PIGG: variants seen among roughly 807,000 people sequenced by gnomAD.
The protein encoded by PIGG is phosphatidylinositol glycan anchor biosynthesis class G (EMM blood group).
A neutral mutation model predicts 83.2 loss-of-function variants in PIGG; 70 were observed. The ratio of observed to expected loss-of-function variants is 0.84; its 90% CI spans 0.69 to 1.03. PIGG has a LOEUF of 1.03. PIGG is among the 50% of genes least tolerant of loss of function. The probability of loss-of-function intolerance (pLI) is 0.00; values close to 1 mark genes in which losing one functional copy is unlikely to be tolerated. For synonymous variants in PIGG, 532 were observed against 519.5 expected (o/e 1.02, Z -0.33); for missense variants, 1,257 against 1,233.6 (o/e 1.02, Z -0.28).
rs758742582 is a variant in PIGG at position 521,310 on chromosome 4, A to AT, written c.1332+39dup. 332 of 1,400,114 alleles carry AT rather than the reference A, an allele frequency of 2.4e-4. 1 individual carries two copies. The highest frequency in any genetic ancestry group is 2.0e-4 in the Non-Finnish European group (201 of 997,514). The allele number at this position is 1,400,114 out of a possible 1,614,324, so 86.7% of individuals were successfully genotyped here. ...CACACAGTCATGGCTCAGGTGTTGC[A>AT]TTGATTTGATAACTCAGCCAAATAT... On this transcript the variant is annotated intron_variant, in intron 7 of 12. Coordinates refer to ENST00000453061, the MANE Select transcript of PIGG (RefSeq NM_001127178.3).
chr4:522,320 A>G (rs906759551), intron 8 of PIGG: 3 of 471,106 alleles, frequency 6.4e-6, no homozygotes, highest in African/African-American at 3.9e-5. Flanking sequence ...AGGGAAGAAG[A>G]GACAATCGGC....
At chr4:534,076 C>A (rs962872262) in intron 12 of PIGG, 95 bp downstream of exon 12, 6 of 1,038,280 alleles carry the variant, frequency 5.8e-6, no homozygotes, top group Non-Finnish European at 7.2e-6. Context: ...GTCTAAGCTC[C>A]ATGGGTCCAA....
At chr4:501,932 G>A (rs1434745990) in intron 2 of PIGG, 1 of 152,186 alleles carries the variant, frequency 6.6e-6, no homozygotes, top group African/African-American at 2.4e-5. Flanking sequence ...GGAGGTGAGA[G>A]AGAATGAAGG....
At chr4:506,808 T>C (rs1408066065) in intron 3 of PIGG, 5 of 456,170 alleles carry the variant, frequency 1.1e-5, no homozygotes, top group Non-Finnish European at 2.2e-5. Context: ...AACAGCCTTC[T>C]TGTAGGACAC....
At chr4:535,448 G>GCGTCTC (rs1553901062) in intron 12 of PIGG, among the ~76,000 whole-genome samples, 2 of 152,110 alleles carry the variant, frequency 1.3e-5, no homozygotes, top group African/African-American at 4.8e-5. Context: ...CTCCTCCCGG[G>GCGTCTC]CAGGCGAGCG....
rs1723836998 is a variant in PIGG, at chr4:516,311, G to A, written c.1114+126G>A. 4.6e-6 allele frequency: 3 copies of A among 651,910 alleles called. No individual in the cohort carries two copies. In the South Asian group the frequency reaches 5.4e-5, roughly 12 times the overall value. 40.4% of individuals were successfully genotyped at this position (651,910 alleles called of 1,614,324 possible). A position where few individuals can be genotyped will look rare whatever the true frequency, so the allele number is the denominator to read the frequency against. On this transcript the variant is annotated intron_variant, in intron 6 of 12. Transcript: ENST00000453061. ...TATTTTTTCATCACTACTCTTTGAT[G>A]ATACAGATTGTGTTTCTGTTTTCTT...
intron 12 of PIGG, among the ~76,000 whole-genome samples, chr4:534,454 T>C (rs1729880952): frequency 6.6e-6 from 1 of 152,016 alleles, no homozygotes; most frequent in Non-Finnish European, 1.5e-5. Flanking sequence ...CCGTGGCTCT[T>C]CTGAGTCGTC....
At chr4:517,165 C>T (rs574659400) in intron 6 of PIGG, among the ~76,000 whole-genome samples, 2 of 152,250 alleles carry the variant, frequency 1.3e-5, no homozygotes, top group Non-Finnish European at 2.9e-5. Context: ...GCCAGAGTCT[C>T]CCACTTGCAT....
chr4:499,526 C>T (rs1007934346), intron 1 of PIGG, 37 bp downstream of exon 1: 8 of 1,561,184 alleles, frequency 5.1e-6, no homozygotes, highest in Non-Finnish European at 6.9e-6. Context: ...CTCCCCTGAC[C>T]CCACATCCCC....
chr4:523,220 G>A (rs1726537042), intron 8 of PIGG, among the ~76,000 whole-genome samples: 1 of 152,202 alleles, frequency 6.6e-6, no homozygotes, highest in Admixed American at 6.5e-5. Flanking sequence ...TGGCCGTGCA[G>A]TGTCCGGCTC....
chr4:509,185 GT>G (rs1553881747), intron 5 of PIGG, among the ~76,000 whole-genome samples: 1 of 152,164 alleles, frequency 6.6e-6, no homozygotes, highest in East Asian at 1.9e-4. Flanking sequence ...TCAGAATTTT[GT>G]TGTATGAATG....
chr4:504,242 T>C (rs563266159), intron 2 of PIGG, among the ~76,000 whole-genome samples: 3 of 152,348 alleles, frequency 2.0e-5, no homozygotes, highest in Admixed American at 2.0e-4. Context: ...TCTTCCTGAG[T>C]GCTGGCCCTG....
intron 6 of PIGG, among the ~76,000 whole-genome samples, chr4:516,474 C>T (rs996619368): frequency 1.3e-5 from 2 of 152,104 alleles, no homozygotes; most frequent in African/African-American, 4.8e-5. Flanking sequence ...GGAGACAGAG[C>T]AGGTACGAGG....
chr4:513,015 A>G (rs1375638583), intron 5 of PIGG, among the ~76,000 whole-genome samples: 1 of 152,174 alleles, frequency 6.6e-6, no homozygotes, highest in Non-Finnish European at 1.5e-5. Flanking sequence ...TGCACCCACC[A>G]CAGGAGAGTT....
intron 10 of PIGG, among the ~76,000 whole-genome samples, chr4:529,974 G>T (rs1360794925): frequency 6.6e-6 from 1 of 152,234 alleles, no homozygotes; most frequent in Non-Finnish European, 1.5e-5. Flanking sequence ...ATAACTGCAT[G>T]TATGTGTACC....
intron 7 of PIGG, 79 bp downstream of exon 7, chr4:521,352 A>G (rs1045282686): frequency 9.2e-6 from 8 of 866,618 alleles, no homozygotes; most frequent in Non-Finnish European, 1.4e-5. Flanking sequence ...TTTTAAATAT[A>G]TATATAGGTG....
At chr4:522,459 C>T (rs575170271) in intron 8 of PIGG, 1 of 201,936 alleles carries the variant, frequency 5.0e-6, no homozygotes, top group East Asian at 1.1e-4. Context: ...ATTCTTAGTC[C>T]TTGGCCTCGG....
At chr4:505,105 A>G (rs1719129751) in intron 2 of PIGG, among the ~76,000 whole-genome samples, 1 of 152,130 alleles carries the variant, frequency 6.6e-6, no homozygotes, top group South Asian at 2.1e-4. Flanking sequence ...ACACAGGTTA[A>G]TGTTTCTAAT....
intron 4 of PIGG, 144 bp downstream of exon 4, chr4:507,737 C>T (rs1329295602): frequency 2.9e-6 from 2 of 693,488 alleles, no homozygotes; most frequent in Non-Finnish European, 4.9e-6. Context: ...GCCACACGGG[C>T]AGCACTGTCT....
Sources: allele counts gnomAD v4.1 joint callset (sites outside exome capture counted in the v4.1 genomes callset), GRCh38; gene constraint gnomAD v4.1.1; transcripts MANE v1.5; gene names NCBI Gene and HGNC (gene_info 2026-07-23, HGNC 2026-07-21).